Variants in PRUNE2 observed in about 807,000 individuals in gnomAD.
PRUNE2 encodes the protein protein prune homolog 2.
PRUNE2 carries 164 observed loss-of-function variants against 252.0 expected under a neutral mutation model. That is an observed-to-expected ratio of 0.65 (90% CI 0.57 to 0.74). The LOEUF is 0.74. PRUNE2 is among the 30% of genes least tolerant of loss of function. The probability of loss-of-function intolerance (pLI) is 0.00; values close to 1 mark genes in which losing one functional copy is unlikely to be tolerated. For synonymous variants in PRUNE2, 1,292 were observed against 1,350.2 expected (o/e 0.96, Z 0.94); for missense variants, 3,495 against 3,711.0 (o/e 0.94, Z 1.51).
chr9:76,770,593 C>A (rs1456116613), intron 6 of PRUNE2, among the ~76,000 whole-genome samples: 2 of 151,956 alleles, frequency 1.3e-5, no homozygotes, highest in Non-Finnish European at 2.9e-5. Flanking sequence ...AAAAGTAAAC[C>A]AAATGAAACT....
At chr9:76,775,498 G>A (rs1289271582) in intron 6 of PRUNE2, among the ~76,000 whole-genome samples, 9 of 151,884 alleles carry the variant, frequency 5.9e-5, no homozygotes, top group African/African-American at 1.7e-4. Context: ...ATGGGATCTC[G>A]CTATGCTGCC....
At chr9:76,627,371 C>CA (rs1835381862) in intron 16 of PRUNE2, among the ~76,000 whole-genome samples, 1 of 152,064 alleles carries the variant, frequency 6.6e-6, no homozygotes, top group East Asian at 1.9e-4. Flanking sequence ...CTCAGACTCC[C>CA]AAAGTGCTAA....
chr9:76,851,753 C>A (rs1394294939), intron 2 of PRUNE2, among the ~76,000 whole-genome samples: 3 of 152,106 alleles, frequency 2.0e-5, no homozygotes, highest in Non-Finnish European at 4.4e-5. Flanking sequence ...TCATAAAAAA[C>A]ATTTTTTATT....
chr9:76,747,842 C>A (rs2050269266), intron 6 of PRUNE2, among the ~76,000 whole-genome samples: 1 of 150,994 alleles, frequency 6.6e-6, no homozygotes, highest in South Asian at 2.1e-4. Context: ...GTCGCCCAGG[C>A]TGGAGTGCAT....
intron 9 of PRUNE2, among the ~76,000 whole-genome samples, chr9:76,684,213 G>T (rs1180455467): frequency 6.6e-6 from 1 of 152,084 alleles, no homozygotes; most frequent in Non-Finnish European, 1.5e-5. Context: ...CTGAAATTTT[G>T]TACCCTTTGA....
chr9:76,867,387 A>T (rs1039205219), intron 1 of PRUNE2, among the ~76,000 whole-genome samples: 1 of 152,174 alleles, frequency 6.6e-6, no homozygotes, highest in Non-Finnish European at 1.5e-5. Context: ...ACATGATTCA[A>T]ACACCATCTC....
intron 17 of PRUNE2, among the ~76,000 whole-genome samples, chr9:76,623,398 G>A (rs700807): frequency 0.49 from 74,250 of 151,448 alleles, 20,460 homozygotes; most frequent in Middle Eastern, 0.65. Flanking sequence ...AGGTTCAAAC[G>A]ATTCTCCTTC....
intron 9 of PRUNE2, among the ~76,000 whole-genome samples, chr9:76,678,711 C>A (rs1183887225): frequency 6.6e-6 from 1 of 152,144 alleles, no homozygotes; most frequent in African/African-American, 2.4e-5. Context: ...CGCCTGTAGT[C>A]CCAGCTACTT....
intron 9 of PRUNE2, among the ~76,000 whole-genome samples, chr9:76,657,194 G>C (rs1490654518): frequency 1.3e-5 from 2 of 152,206 alleles, no homozygotes; most frequent in Non-Finnish European, 2.9e-5. Flanking sequence ...TCTCGTACCT[G>C]TCAAGTAGCA....
rs1241895600 is a variant in PRUNE2, at chr9:76,614,424, ACTTT to A, written c.*142_*145del. The A allele has an allele frequency of 1.7e-5, 12 of 702,706 alleles. No individual in the cohort carries two copies. In the African/African-American group the frequency reaches 2.2e-4, roughly 13 times the overall value. 43.5% of individuals were successfully genotyped at this position (702,706 alleles called of 1,614,324 possible). On this transcript the variant is annotated 3_prime_UTR_variant, in exon 19 of 19. Coordinates refer to ENST00000376718, the MANE Select transcript of PRUNE2 (RefSeq NM_015225.3). ...CATAAAATATCTTAAGAGTAAACAA[ACTTT>A]CTATTTTTCCCCTTAGAAATTTAGA...
Position 76,655,433 on chromosome 9 carries a change from G to A in PRUNE2, c.8346C>T (p.Asp2782=). ...EEGVLSPSAA[D]MRPEPPNSLD... is the part of the protein sequence containing the mutation. ...AAATGCTGCTCTCACCAGGCCTCAT[G>A]TCTGCAGCACTGGGACTCAGCACGC... Residue 2782 remains aspartate, a synonymous_variant, in exon 10 of 19, where the codon GAC becomes GAT. Transcript: ENST00000376718. 6.2e-7 allele frequency: 1 copy of A among 1,611,192 alleles called. No homozygotes were observed. Among genetic ancestry groups the A allele is most frequent in the Non-Finnish European group, 8.5e-7 (1 of 1,178,236 alleles).
chr9:76,736,933 C>G (rs780196836), intron 6 of PRUNE2: 1 of 152,184 alleles, frequency 6.6e-6, no homozygotes, highest in Admixed American at 6.5e-5. Context: ...GAACCACAAG[C>G]CTTCCTACCC....
At chr9:76,627,632 T>C (rs1587818219) in intron 16 of PRUNE2, among the ~76,000 whole-genome samples, 1 of 152,178 alleles carries the variant, frequency 6.6e-6, no homozygotes, top group Middle Eastern at 3.4e-3. Flanking sequence ...ACGCCCGATA[T>C]TGCTTATGTA....
chr9:76,652,633 G>C lies in PRUNE2; in HGVS notation c.8407C>G (p.Leu2803Val). The C allele has an allele frequency of 1.2e-6, 2 of 1,613,132 alleles. No individual in the cohort carries two copies. Among genetic ancestry groups the C allele is most frequent in the Non-Finnish European group, 1.7e-6 (2 of 1,179,216 alleles). ...LNDTHPRRIKLTAPNINLSLD... is the reference protein window; with the variant it reads ...LNDTHPRRIKVTAPNINLSLD... ...GAAAGATTGATATTTGGGGCTGTGA[G>C]CTTGATTCTCCGAGGATGAGTGTCA... The change falls in exon 11 of 19, where the codon CTC becomes GTC. Residue 2803 changes from leucine (L) to valine (V), a missense_variant. By Grantham distance (32) the Leu-to-Val change is conservative. Transcript: ENST00000376718.
intron 4 of PRUNE2, among the ~76,000 whole-genome samples, chr9:76,841,274 G>C (rs2059380329): frequency 6.6e-6 from 1 of 152,182 alleles, no homozygotes; most frequent in African/African-American, 2.4e-5. Context: ...GAGGAACGGG[G>C]CATTCCAGCC....
chr9:76,755,864 G>A (rs978681830), intron 6 of PRUNE2, among the ~76,000 whole-genome samples: 7 of 152,026 alleles, frequency 4.6e-5, no homozygotes, highest in South Asian at 4.2e-4. Context: ...ACCACGCCCC[G>A]GTAAATTTTT....
intron 4 of PRUNE2, among the ~76,000 whole-genome samples, chr9:76,827,093 T>C (rs552314712): frequency 6.6e-6 from 1 of 152,316 alleles, no homozygotes; most frequent in African/African-American, 2.4e-5. Flanking sequence ...GTAAACTATT[T>C]AAAAGTCTAA....
intron 6 of PRUNE2, among the ~76,000 whole-genome samples, chr9:76,805,410 C>CA (rs2056865296): frequency 6.6e-6 from 1 of 152,128 alleles, no homozygotes; most frequent in South Asian, 2.1e-4. Flanking sequence ...CACTTGAGGT[C>CA]AGGAGTTCAA....
intron 6 of PRUNE2, among the ~76,000 whole-genome samples, chr9:76,752,340 AC>A (rs2050705524): frequency 6.6e-6 from 1 of 151,658 alleles, no homozygotes; most frequent in African/African-American, 2.4e-5. Flanking sequence ...CTCGTGATCC[AC>A]CTGCCTCGGC....
Sources: gnomAD v4.1 joint callset for allele counts (sites outside exome capture counted in the v4.1 genomes callset) on GRCh38, gnomAD v4.1.1 for gene constraint, MANE v1.5 for transcripts, NCBI Gene and HGNC (gene_info 2026-07-23, HGNC 2026-07-21) for gene names.